The following KDM6A variants were observed in gnomAD, a reference collection of about 807,000 sequenced individuals.
KDM6A encodes the protein lysine demethylase 6A, also known as lysine-specific demethylase 6A.
A neutral mutation model predicts 117.6 loss-of-function variants in KDM6A; 11 were observed. That is an observed-to-expected ratio of 0.09 (90% CI 0.06 to 0.15). The LOEUF (loss-of-function observed/expected upper bound fraction) is 0.15, where lower values mean the gene tolerates loss of function less well. Ranked by LOEUF, KDM6A falls within the 10% of genes least tolerant of loss-of-function variation. The pLI, the probability that KDM6A is intolerant of heterozygous loss-of-function variation, is 1.00. For missense variants in KDM6A, 799 were observed against 1,077.3 expected, an observed-to-expected ratio of 0.74 and a Z score of 3.62; for synonymous variants, 384 against 396.1, an observed-to-expected ratio of 0.97 and a Z score of 0.36.
chrX:45,060,234 A>G, intron 13 of KDM6A, 78 bp downstream of exon 13: 2 of 1,186,123 alleles, frequency 1.7e-6, no homozygotes, highest in African/African-American at 1.7e-5. Flanking sequence ...AGCTTAATTT[A>G]CTAAGCACAG....
At chrX:44,998,838 A>G (rs935174448) in intron 4 of KDM6A, among the ~76,000 whole-genome samples, 2 of 111,948 alleles carry the variant, frequency 1.8e-5, no homozygotes, top group African/African-American at 6.5e-5. Flanking sequence ...GCTACAGTCA[A>G]ATTCTTATTC....
chrX:44,878,604 AT>A (rs1292507241), intron 2 of KDM6A, among the ~76,000 whole-genome samples: 1 of 112,195 alleles, frequency 8.9e-6, no homozygotes, highest in African/African-American at 3.2e-5. Flanking sequence ...AACTGCAGCA[AT>A]ACATAAACAG....
At chrX:44,984,293 C>T (rs1162701458) in intron 4 of KDM6A, among the ~76,000 whole-genome samples, 27 of 111,297 alleles carry the variant, frequency 2.4e-4, no homozygotes, top group Admixed American at 6.7e-4. Context: ...TTGAGTTCAT[C>T]GTAGATTCTG....
At chrX:44,946,517 A>G (rs965187818) in intron 2 of KDM6A, among the ~76,000 whole-genome samples, 2 of 111,133 alleles carry the variant, frequency 1.8e-5, no homozygotes, top group Non-Finnish European at 3.8e-5. Flanking sequence ...GCTTGCCTTT[A>G]TACTAATTTT....
At position 45,089,946 on chromosome X, in the gene KDM6A, T is replaced by C; in HGVS notation, c.3892+16T>C. The C allele has an allele frequency of 1.7e-6, 2 of 1,188,799 alleles. No individual in the cohort carries two copies. Among genetic ancestry groups the C allele is most frequent in the Non-Finnish European group, 2.3e-6 (2 of 876,613 alleles). ...CCACTTACAGGTATTATAAAGAATA[T>C]GCTTTAAAAAAGTTAATTTATAAAG... On this transcript the variant is annotated intron_variant, in intron 26 of 29. Transcript: ENST00000611820.
At chrX:44,911,916 G>A (rs909087598) in intron 2 of KDM6A, among the ~76,000 whole-genome samples, 2 of 107,371 alleles carry the variant, frequency 1.9e-5, no homozygotes, top group African/African-American at 3.4e-5. Context: ...AATCGCAGGC[G>A]CTTGGCAGGT....
At chrX:44,984,446 T>G (rs1602445805) in intron 4 of KDM6A, among the ~76,000 whole-genome samples, 1 of 111,831 alleles carries the variant, frequency 8.9e-6, no homozygotes, top group East Asian at 2.8e-4. Context: ...TTGGCTTTTG[T>G]TGCCATTGCT....
rs1172542 is a variant in KDM6A at position 44,951,359 on chromosome X, G to A, written c.226-9925G>A. Among the ~76,000 whole-genome samples, 1,071 of 111,648 alleles carry A rather than the reference G, an allele frequency of 9.6e-3. 6 individuals are homozygous for A. The highest frequency in any genetic ancestry group is 0.017 in the Non-Finnish European group (891 of 53,174). ...AAGCTGCAAAAAGTGGGATAAAGCT[G>A]TTTAACATTTTCCAGATACATACCA... On this transcript the variant is annotated intron_variant, in intron 2 of 29. Transcript: ENST00000611820.
intron 4 of KDM6A, among the ~76,000 whole-genome samples, chrX:45,001,742 GT>G (rs1322436525): frequency 9.0e-6 from 1 of 111,710 alleles, no homozygotes; most frequent in East Asian, 2.8e-4. Flanking sequence ...GTTTGATAGT[GT>G]TTTCCCCTGA....
At chrX:44,985,531 A>G (rs1430988381) in intron 4 of KDM6A, among the ~76,000 whole-genome samples, 2 of 111,521 alleles carry the variant, frequency 1.8e-5, no homozygotes, top group African/African-American at 3.3e-5. Flanking sequence ...ATTCAGTATG[A>G]TATTGGCTGT....
intron 18 of KDM6A, among the ~76,000 whole-genome samples, chrX:45,076,460 A>G (rs1208672085): frequency 2.7e-5 from 3 of 111,036 alleles, no homozygotes; most frequent in East Asian, 2.8e-4. Flanking sequence ...AATGTCATCA[A>G]TAATTTATAT....
intron 5 of KDM6A, among the ~76,000 whole-genome samples, chrX:45,019,471 A>C (rs2042092084): frequency 8.9e-6 from 1 of 112,186 alleles, no homozygotes; most frequent in African/African-American, 3.2e-5. Context: ...TTTGGGAAGT[A>C]AATAATGTAT....
At chrX:44,932,891 CTTT>C (rs765121404) in intron 2 of KDM6A, among the ~76,000 whole-genome samples, 1 of 100,423 alleles carries the variant, frequency 1.0e-5, no homozygotes. Context: ...TTTTTTCTTT[CTTT>C]TTTTTTTTTT....
rs764995519 is a variant in KDM6A at position 45,058,990 on chromosome X, T to C, written c.876-16T>C. On this transcript the variant is annotated splice_polypyrimidine_tract_variant and intron_variant, in intron 10 of 29. Transcript: ENST00000611820. ...GAATTCTCTTGATTTTTTTTTTTTT[T>C]CCCTTCCCTTCTCAGGTGCTATTCA... is the stretch of plus-strand genomic sequence containing the variant. 1.5e-5 allele frequency: 17 copies of C among 1,138,069 alleles called. No homozygotes were observed. Among genetic ancestry groups the C allele is most frequent in the Admixed American group, 1.3e-4 (6 of 44,810 alleles). The allele number at this position is 1,138,069 out of a possible 1,213,427, so 93.8% of individuals were successfully genotyped here. A position where few individuals can be genotyped will look rare whatever the true frequency, so the allele number is the denominator to read the frequency against.
intron 6 of KDM6A, among the ~76,000 whole-genome samples, chrX:45,027,239 G>A (rs2042407052): frequency 1.8e-5 from 2 of 109,180 alleles, no homozygotes; most frequent in Admixed American, 2.0e-4. Context: ...ACTTTGGGAA[G>A]CTGAGGCAGG....
At chrX:44,914,248 G>A (rs1271448482) in intron 2 of KDM6A, among the ~76,000 whole-genome samples, 3 of 111,982 alleles carry the variant, frequency 2.7e-5, no homozygotes, top group Non-Finnish European at 5.6e-5. Context: ...AGCTGTGCTG[G>A]GGGGGTCAGC....
At chrX:44,993,256 A>T (rs1283606671) in intron 4 of KDM6A, among the ~76,000 whole-genome samples, 4 of 112,055 alleles carry the variant, frequency 3.6e-5, no homozygotes, top group Non-Finnish European at 7.5e-5. Flanking sequence ...AAAATTATTC[A>T]GAATTGGACA....
intron 8 of KDM6A, among the ~76,000 whole-genome samples, chrX:45,046,722 G>A (rs776981629): frequency 2.7e-5 from 3 of 111,501 alleles, no homozygotes; most frequent in Admixed American, 9.5e-5. Context: ...ATGATAAAAC[G>A]GGTGGGAGGA....
chrX:44,985,613 G>A (rs2040174625), intron 4 of KDM6A, among the ~76,000 whole-genome samples: 1 of 111,460 alleles, frequency 9.0e-6, no homozygotes, highest in Non-Finnish European at 1.9e-5. Flanking sequence ...AGAGTTTTTA[G>A]CATGAAGTGT....
Sources: allele counts gnomAD v4.1 joint callset (sites outside exome capture counted in the v4.1 genomes callset), GRCh38; gene constraint gnomAD v4.1.1; transcripts MANE v1.5; gene names NCBI Gene and HGNC (gene_info 2026-07-23, HGNC 2026-07-21).